The following PCDHA13 variants were observed in gnomAD, a reference collection of about 807,000 sequenced individuals.
PCDHA13 encodes protocadherin alpha-13.
A neutral mutation model predicts 64.8 loss-of-function variants in PCDHA13; 54 were observed. The ratio of observed to expected loss-of-function variants is 0.83; its 90% confidence interval spans 0.67 to 1.04. The LOEUF is 1.04. PCDHA13 is among the 50% of genes least tolerant of loss of function. The pLI is 0.00. For synonymous variants in PCDHA13, 587 were observed against 564.4 expected, an observed-to-expected ratio of 1.04 and a Z score of -0.57; for missense variants, 1,248 against 1,254.3, an observed-to-expected ratio of 0.99 and a Z score of 0.08.
chr5:140,914,020 C>T (rs2076562854), intron 1 of PCDHA13, among the ~76,000 whole-genome samples: 1 of 152,036 alleles, frequency 6.6e-6, no homozygotes, highest in African/African-American at 2.4e-5. Context: ...GAGAATGATC[C>T]ACGTGCTGAG....
At chr5:140,980,507 G>A (rs1274816745) in intron 2 of PCDHA13, among the ~76,000 whole-genome samples, 1 of 152,136 alleles carries the variant, frequency 6.6e-6, no homozygotes, top group African/African-American at 2.4e-5. Flanking sequence ...GCATGTGCCT[G>A]TAGTTCCAGC....
At chr5:140,983,977 C>T (rs566705604) in intron 3 of PCDHA13, among the ~76,000 whole-genome samples, 20 of 152,234 alleles carry the variant, frequency 1.3e-4, no homozygotes, top group Non-Finnish European at 2.4e-4. Flanking sequence ...AAAAAATATA[C>T]GAGTTGAAGC....
At chr5:140,968,591 G>A (rs1289458266) in intron 1 of PCDHA13, 3 of 1,614,098 alleles carry the variant, frequency 1.9e-6, no homozygotes, top group Non-Finnish European at 2.5e-6. Flanking sequence ...CAAAGTCATA[G>A]CTATGGACTC....
intron 1 of PCDHA13, among the ~76,000 whole-genome samples, chr5:140,971,488 A>AG (rs1338536132): frequency 1.3e-5 from 2 of 152,222 alleles, no homozygotes; most frequent in African/African-American, 4.8e-5. Flanking sequence ...ACATTGTTAC[A>AG]GTGTGGCAAG....
At position 141,009,895 on chromosome 5, in the gene PCDHA13, A is replaced by G; in HGVS notation, c.2811A>G (p.Lys937=). ...AGAAGGGTAACAAGACCCAGGAGAA[A>G]AAAGAGAAAGGGAACAGCACGACTG... ...KKKKGNKTQE[K]KEKGNSTTDN... The change falls in exon 4 of 4, where the codon AAA becomes AAG. Residue 937 remains lysine (K), a synonymous_variant. Coordinates refer to ENST00000289272, the MANE Select transcript of PCDHA13 (RefSeq NM_018904.3). 2 of 1,613,224 alleles carry G rather than the reference A, an allele frequency of 1.2e-6. No homozygotes were observed. Among genetic ancestry groups the G allele is most frequent in the Non-Finnish European group, 1.7e-6 (2 of 1,179,866 alleles).
intron 1 of PCDHA13, chr5:140,966,588 G>A: frequency 3.6e-6 from 2 of 558,362 alleles, no homozygotes; most frequent in Non-Finnish European, 5.7e-6. Flanking sequence ...GAGGACGGTG[G>A]GGCCAGGAGC....
chr5:140,929,272 T>C (rs560527071), intron 1 of PCDHA13: 1 of 1,607,152 alleles, frequency 6.2e-7, no homozygotes. Flanking sequence ...TTTGCCAATA[T>C]CCTGTATTCA....
At chr5:141,001,811 C>T (rs1200900455) in intron 3 of PCDHA13, among the ~76,000 whole-genome samples, 1 of 152,128 alleles carries the variant, frequency 6.6e-6, no homozygotes, top group Non-Finnish European at 1.5e-5. Flanking sequence ...ATTCTACAAT[C>T]GGCCAAATTC....
At chr5:140,972,740 T>G (rs2096553417) in intron 1 of PCDHA13, among the ~76,000 whole-genome samples, 1 of 149,910 alleles carries the variant, frequency 6.7e-6, no homozygotes, top group Admixed American at 6.8e-5. Flanking sequence ...CCCGGCTCAC[T>G]GCAACCTCCG....
chr5:141,001,102 A>T (rs1197761807), intron 3 of PCDHA13, among the ~76,000 whole-genome samples: 1 of 152,076 alleles, frequency 6.6e-6, no homozygotes, highest in African/African-American at 2.4e-5. Context: ...TCTAATCCAT[A>T]ATAAGCAATC....
chr5:140,883,251 T>C lies in PCDHA13; in HGVS notation c.983T>C (p.Ile328Thr). ...GTGGAGGCAGTTGACAAAGGAAATATTCCAATGGCGGGTCATTGTACCCTT... is the reference window on the plus strand; with the variant it reads ...GTGGAGGCAGTTGACAAAGGAAATACTCCAATGGCGGGTCATTGTACCCTT... The part of the protein sequence containing the change: ...ISVEAVDKGN[I>T]PMAGHCTLLV... Residue 328 changes from isoleucine (I) to threonine (T), a missense_variant, in exon 1 of 4, where the codon ATT (isoleucine) becomes ACT (threonine). Coordinates refer to ENST00000289272, the MANE Select transcript of PCDHA13 (RefSeq NM_018904.3). 6.2e-7 allele frequency: 1 copy of C among 1,614,086 alleles called. No homozygotes were observed. Among genetic ancestry groups the C allele is most frequent in the Non-Finnish European group, 8.5e-7 (1 of 1,180,014 alleles).
At chr5:140,898,062 T>G (rs2066502065) in intron 1 of PCDHA13, among the ~76,000 whole-genome samples, 1 of 152,110 alleles carries the variant, frequency 6.6e-6, no homozygotes, top group African/African-American at 2.4e-5. Flanking sequence ...TAAATTTGTT[T>G]GAGTTCATTG....
intron 1 of PCDHA13, chr5:140,929,124 C>T: frequency 6.2e-7 from 1 of 1,614,166 alleles, no homozygotes; most frequent in Non-Finnish European, 8.5e-7. Flanking sequence ...CCATAGATGT[C>T]ACTACAGTTG....
chr5:140,926,548 A>C, intron 1 of PCDHA13: 1 of 226,392 alleles, frequency 4.4e-6, no homozygotes, highest in Non-Finnish European at 8.5e-6. Flanking sequence ...GGTGGTCGAG[A>C]CCCCAGCCCG....
chr5:140,907,263 C>T (rs985030606), intron 1 of PCDHA13, among the ~76,000 whole-genome samples: 2 of 152,220 alleles, frequency 1.3e-5, no homozygotes, highest in Admixed American at 1.3e-4. Flanking sequence ...CTTCAAAAGG[C>T]CATTCCATCA....
rs1554262625 is a variant in PCDHA13, at chr5:141,009,974, T to A, written c.*37T>A. 3 of 1,585,642 alleles carry A rather than the reference T, an allele frequency of 1.9e-6. No homozygotes were observed. The highest frequency in any genetic ancestry group is 2.6e-6 in the Non-Finnish European group (3 of 1,169,212). ...GGAAACAAGCCACTTAGCCAGTTTT[T>A]GTAATAATGGCAAATCTCTCCCATG... On this transcript the variant is annotated 3_prime_UTR_variant, in exon 4 of 4. Transcript: ENST00000289272.
At chr5:140,987,635 G>A (rs2097262928) in intron 3 of PCDHA13, among the ~76,000 whole-genome samples, 3 of 152,176 alleles carry the variant, frequency 2.0e-5, no homozygotes, top group Non-Finnish European at 4.4e-5. Context: ...ATGAGATAAT[G>A]CACACATATT....
At chr5:140,934,365 A>T (rs2089794268) in intron 1 of PCDHA13, among the ~76,000 whole-genome samples, 1 of 151,884 alleles carries the variant, frequency 6.6e-6, no homozygotes, top group Non-Finnish European at 1.5e-5. Context: ...CACTGCTTTG[A>T]CTCCTTCTGT....
chr5:140,968,357 C>A (rs1554230636), intron 1 of PCDHA13: 2 of 1,614,080 alleles, frequency 1.2e-6, no homozygotes, highest in Non-Finnish European at 1.7e-6. Flanking sequence ...CAGTGGCAGC[C>A]TTTATGCTGT....
Sources: allele counts gnomAD v4.1 joint callset (sites outside exome capture counted in the v4.1 genomes callset), GRCh38; gene constraint gnomAD v4.1.1; transcripts MANE v1.5; gene names NCBI Gene and HGNC (gene_info 2026-07-23, HGNC 2026-07-21).